Variants in ALK observed in about 807,000 individuals in gnomAD.
The protein encoded by ALK is ALK receptor tyrosine kinase.
A neutral mutation model predicts 163.1 loss-of-function variants in ALK; 74 were observed. That is an observed-to-expected ratio of 0.45 (90% CI 0.38 to 0.55). The LOEUF (loss-of-function observed/expected upper bound fraction) is 0.55, where lower values mean the gene tolerates loss of function less well. Among genes scored for constraint, ALK ranks in the 20% least tolerant of loss-of-function variants. The pLI is 0.00. For missense variants in ALK, 2,063 were observed against 2,105.3 expected, an observed-to-expected ratio of 0.98 and a Z score of 0.39; for synonymous variants, 960 against 843.2, an observed-to-expected ratio of 1.14 and a Z score of -2.40.
At chr2:29,213,358 T>C (rs1260514149) in intron 24 of ALK, among the ~76,000 whole-genome samples, 1 of 152,234 alleles carries the variant, frequency 6.6e-6, no homozygotes, top group Non-Finnish European at 1.5e-5. Context: ...TCTTTATGCT[T>C]CATTTCAGAG....
intron 1 of ALK, among the ~76,000 whole-genome samples, chr2:29,777,737 G>T (rs1681214025): frequency 6.6e-6 from 1 of 152,156 alleles, no homozygotes; most frequent in Admixed American, 6.5e-5. Context: ...CTAGGATGGG[G>T]TCTAAGGTGC....
chr2:29,317,639 G>C (rs1017775455), intron 8 of ALK, among the ~76,000 whole-genome samples: 1 of 152,212 alleles, frequency 6.6e-6, no homozygotes, highest in Non-Finnish European at 1.5e-5. Context: ...AGCCCCAAGA[G>C]GTTAATTAAC....
chr2:29,318,569 C>CTT (rs71403658), intron 7 of ALK, among the ~76,000 whole-genome samples, 165 bp from the exon 8 acceptor site: 2 of 142,326 alleles, frequency 1.4e-5, no homozygotes, highest in Non-Finnish European at 3.1e-5. Flanking sequence ...TCAACAATTT[C>CTT]TTTTTTTTTT....
intron 1 of ALK, among the ~76,000 whole-genome samples, chr2:29,802,043 T>C (rs955837330): frequency 1.3e-5 from 2 of 152,168 alleles, no homozygotes; most frequent in Non-Finnish European, 1.5e-5. Context: ...AACTGTACAA[T>C]CAAAGAAAAT....
intron 3 of ALK, among the ~76,000 whole-genome samples, chr2:29,628,694 C>T (rs144842185): frequency 6.6e-6 from 1 of 152,200 alleles, no homozygotes; most frequent in African/African-American, 2.4e-5. Flanking sequence ...AAAACCAAAT[C>T]TCTGGCAGAG....
At chr2:29,602,730 G>T (rs904006161) in intron 3 of ALK, among the ~76,000 whole-genome samples, 4 of 152,204 alleles carry the variant, frequency 2.6e-5, no homozygotes, top group African/African-American at 9.6e-5. Context: ...TGATGCTAAA[G>T]AAGGTGGAAG....
At chr2:29,538,173 G>A (rs1260212889) in intron 3 of ALK, among the ~76,000 whole-genome samples, 2 of 152,006 alleles carry the variant, frequency 1.3e-5, no homozygotes, top group Non-Finnish European at 2.9e-5. Context: ...ATTTTGAAAT[G>A]TAAGGACATG....
At chr2:29,256,662 A>G (rs1000767198) in intron 11 of ALK, among the ~76,000 whole-genome samples, 1 of 151,494 alleles carries the variant, frequency 6.6e-6, no homozygotes, top group Non-Finnish European at 1.5e-5. Flanking sequence ...TCTAGCCAGG[A>G]CAGACCATAT....
At chr2:29,642,521 TA>T (rs1676734422) in intron 3 of ALK, among the ~76,000 whole-genome samples, 1 of 152,164 alleles carries the variant, frequency 6.6e-6, no homozygotes, top group Non-Finnish European at 1.5e-5. Flanking sequence ...CATATTTCTT[TA>T]AAATATATAA....
intron 4 of ALK, among the ~76,000 whole-genome samples, chr2:29,443,806 G>T (rs7562448): frequency 0.026 from 3,978 of 152,298 alleles, 150 homozygotes; most frequent in African/African-American, 0.088. Flanking sequence ...GGAGGCTGAC[G>T]TGTAGCCTTA....
chr2:29,765,808 T>C (rs973995450), intron 1 of ALK, among the ~76,000 whole-genome samples: 3 of 152,192 alleles, frequency 2.0e-5, no homozygotes, highest in African/African-American at 7.2e-5. Flanking sequence ...TCTCTGTTTT[T>C]TTAAGCCCTT....
Position 29,246,141 on chromosome 2 carries a change from G to T in ALK, c.2204+4964C>A, listed in dbSNP as rs1014235154. On this transcript the variant is annotated intron_variant, in intron 12 of 28. Coordinates refer to ENST00000389048, the MANE Select transcript of ALK (RefSeq NM_004304.5). The surrounding 1 kb of genome is among the most constrained non-coding windows in gnomAD (Gnocchi z 4.3). ...GATCTGTGTGTGTATGGTAGTGGGTGGGGAGGAGATGGGGGCAGGACTGCG... is the reference window on the plus strand; with the variant it reads ...GATCTGTGTGTGTATGGTAGTGGGTTGGGAGGAGATGGGGGCAGGACTGCG... Among the ~76,000 whole-genome samples the T allele has an allele frequency of 6.6e-6, 1 of 152,106 alleles. No homozygotes were observed. The highest frequency in any genetic ancestry group is 2.4e-5 in the African/African-American group (1 of 41,398).
intron 2 of ALK, among the ~76,000 whole-genome samples, chr2:29,706,673 G>A (rs1678920046): frequency 6.6e-6 from 1 of 152,206 alleles, no homozygotes; most frequent in Non-Finnish European, 1.5e-5. Context: ...ACTGCAGTGG[G>A]AGATACACAC....
chr2:29,918,236 G>T (rs72798451), intron 1 of ALK, among the ~76,000 whole-genome samples: 4,511 of 152,324 alleles, frequency 0.03, 150 homozygotes, highest in East Asian at 0.16. Context: ...AGCTGATACA[G>T]ACTGCTGGAT....
At chr2:29,329,867 A>G (rs1667388421) in intron 5 of ALK, among the ~76,000 whole-genome samples, 1 of 152,164 alleles carries the variant, frequency 6.6e-6, no homozygotes, top group Admixed American at 6.5e-5. Context: ...AATGATGTCC[A>G]TTTCCTAAGT....
chr2:29,833,475 T>C (rs2148389647), intron 1 of ALK, among the ~76,000 whole-genome samples: 1 of 152,334 alleles, frequency 6.6e-6, no homozygotes, highest in Admixed American at 6.5e-5. Flanking sequence ...CACTCATTTA[T>C]TTTCCGTATC....
chr2:29,454,091 C>T (rs56077265), intron 4 of ALK, among the ~76,000 whole-genome samples: 10,801 of 152,242 alleles, frequency 0.071, 537 homozygotes, highest in Non-Finnish European at 0.11. Flanking sequence ...GTCCTGAGGG[C>T]TTGCATATGT....
intron 1 of ALK, among the ~76,000 whole-genome samples, chr2:29,914,210 C>A (rs1307735908): frequency 6.6e-6 from 1 of 152,206 alleles, no homozygotes; most frequent in Non-Finnish European, 1.5e-5. Flanking sequence ...CCTTTCCATG[C>A]ATATTTCTGA....
At chr2:29,779,469 T>C (rs968167579) in intron 1 of ALK, among the ~76,000 whole-genome samples, 59 of 152,230 alleles carry the variant, frequency 3.9e-4, no homozygotes, top group Admixed American at 7.8e-4. Flanking sequence ...GTAGCTTCAT[T>C]TGGGGATTAA....
Sources: gnomAD v4.1 joint callset for allele counts (sites outside exome capture counted in the v4.1 genomes callset) on GRCh38, gnomAD v4.1.1 for gene constraint, Gnocchi (gnomAD v3.1) non-coding constraint, MANE v1.5 for transcripts, NCBI Gene and HGNC (gene_info 2026-07-23, HGNC 2026-07-21) for gene names.